The following KDM4B variants were observed in gnomAD, a reference collection of about 807,000 sequenced individuals.
KDM4B encodes lysine-specific demethylase 4B.
Under a neutral mutation model 125.2 loss-of-function variants are expected in KDM4B, and 32 were observed. The ratio of observed to expected loss-of-function variants is 0.26; its 90% CI spans 0.19 to 0.34. KDM4B has a LOEUF of 0.34. KDM4B is among the 10% of genes least tolerant of loss of function. The pLI, the probability that KDM4B is intolerant of heterozygous loss-of-function variation, is 1.00. For synonymous variants in KDM4B, 721 were observed against 677.9 expected (o/e 1.06, Z -0.99); for missense variants, 1,190 against 1,577.7 (o/e 0.75, Z 4.16).
chr19:5,059,437 A>G (rs1440752516), intron 6 of KDM4B, among the ~76,000 whole-genome samples: 2 of 152,298 alleles, frequency 1.3e-5, no homozygotes, highest in African/African-American at 4.8e-5. Flanking sequence ...CCTGATTGCG[A>G]GCCAAGCAGA....
In KDM4B at chr19:5,114,326, C is replaced by A. The variant is rs1488797957; in HGVS notation, c.1115+3508C>A. 2.1e-6 allele frequency: 2 copies of A among 954,168 alleles called. No individual in the cohort carries two copies. Among genetic ancestry groups the A allele is most frequent in the South Asian group, 1.3e-5 (1 of 74,368 alleles). The allele number at this position is 954,168 out of a possible 1,614,324, so 59.1% of individuals were successfully genotyped here. ...GGGCCCAGGCCTCGTCTCCCCTACCCCTCCGAGCTCGGTGCTGCCTGTCCC... is the reference window on the plus strand; with the variant it reads ...GGGCCCAGGCCTCGTCTCCCCTACCACTCCGAGCTCGGTGCTGCCTGTCCC... On this transcript the variant is annotated intron_variant, in intron 10 of 22. Transcript: ENST00000159111. The surrounding 1 kb of genome is among the most constrained non-coding windows in gnomAD (Gnocchi z 5.8).
chr19:5,002,613 C>T (rs1248192524), intron 1 of KDM4B, among the ~76,000 whole-genome samples: 1 of 151,960 alleles, frequency 6.6e-6, no homozygotes, highest in African/African-American at 2.4e-5. Context: ...CTTGGCCTCC[C>T]AAGCAGCTGA....
intron 15 of KDM4B, 147 bp downstream of exon 15, chr19:5,135,708 C>G: frequency 4.5e-6 from 3 of 662,922 alleles, no homozygotes; most frequent in Non-Finnish European, 7.6e-6. Flanking sequence ...AGGGGCCTCC[C>G]CCGGTGACTT....
intron 3 of KDM4B, among the ~76,000 whole-genome samples, chr19:5,039,306 T>C (rs1299592752): frequency 6.6e-6 from 1 of 152,056 alleles, no homozygotes; most frequent in Non-Finnish European, 1.5e-5. Context: ...TTTAAAAAAA[T>C]TAGCTGGGCA....
intron 1 of KDM4B, among the ~76,000 whole-genome samples, chr19:4,975,758 A>G (rs893818213): frequency 6.6e-6 from 1 of 151,108 alleles, no homozygotes; most frequent in Non-Finnish European, 1.5e-5. Flanking sequence ...ACGCTCGACT[A>G]ATTTTTGTAT....
At chr19:5,064,385 C>T (rs2037701458) in intron 6 of KDM4B, among the ~76,000 whole-genome samples, 1 of 151,830 alleles carries the variant, frequency 6.6e-6, no homozygotes, top group African/African-American at 2.4e-5. Flanking sequence ...TCTCACCCTC[C>T]AGCACGCATT....
rs774402748 is a variant in KDM4B at position 5,137,694 on chromosome 19, T to C, written c.2441+18T>C. 2 of 1,569,800 alleles carry C rather than the reference T, an allele frequency of 1.3e-6. No individual in the cohort carries two copies. The highest frequency in any genetic ancestry group is 2.3e-5 in the East Asian group (1 of 44,374). On this transcript the variant is annotated intron_variant, in intron 17 of 22. Coordinates refer to ENST00000159111, the MANE Select transcript of KDM4B (RefSeq NM_015015.3). ...GATAGGAGGTGGGTGGCACCGCGCG[T>C]TGGGGCTGGAGGGCCGGAGGGGAGC... is the stretch of plus-strand genomic sequence containing the variant.
At chr19:5,068,478 T>C (rs770524970) in intron 6 of KDM4B, among the ~76,000 whole-genome samples, 3 of 152,224 alleles carry the variant, frequency 2.0e-5, no homozygotes, top group Non-Finnish European at 4.4e-5. Context: ...TTCAGCCCTG[T>C]GTGGACGGAG....
chr19:5,047,970 G>A (rs898743685), intron 6 of KDM4B, among the ~76,000 whole-genome samples: 1 of 152,210 alleles, frequency 6.6e-6, no homozygotes, highest in African/African-American at 2.4e-5. Flanking sequence ...GCGTGGTCTT[G>A]AGCCTCCTGA....
At position 5,014,043 on chromosome 19, in the gene KDM4B, T is replaced by C. The variant is rs537260559; in HGVS notation, c.-108-2214T>C. Among the ~76,000 whole-genome samples the C allele has an allele frequency of 5.3e-5, 8 of 152,344 alleles. No homozygotes were observed. In the East Asian group the frequency reaches 5.8e-4, roughly 11 times the overall value. ...CCGGGGCGGGGCCTGTGGGAAGATA[T>C]GGAAGTCGGGTGAATGAGCCGTGCC... On this transcript the variant is annotated intron_variant, in intron 1 of 22. Coordinates refer to ENST00000159111, the MANE Select transcript of KDM4B (RefSeq NM_015015.3).
At chr19:4,969,613 C>T (rs1413178726) in intron 1 of KDM4B, among the ~76,000 whole-genome samples, 1 of 151,850 alleles carries the variant, frequency 6.6e-6, no homozygotes, top group East Asian at 1.9e-4. Flanking sequence ...CGGGACAAGC[C>T]TCGGCCTATT....
chr19:5,111,259 G>T lies in KDM4B; in HGVS notation c.1115+441G>T, dbSNP rs899021825. 1.4e-5 allele frequency: 9 copies of T among 665,522 alleles called. No homozygotes were observed. In the East Asian group the frequency reaches 1.5e-4, roughly 11 times the overall value. 41.2% of individuals were successfully genotyped at this position (665,522 alleles called of 1,614,324 possible). On this transcript the variant is annotated intron_variant, in intron 10 of 22. Coordinates refer to ENST00000159111, the MANE Select transcript of KDM4B (RefSeq NM_015015.3). The stretch of plus-strand genomic sequence containing the variant: ...CCTCCCTGGCGCTGAGAGCAGTCGG[G>T]TTCCCTGCAAGGACTCAACGGGGCA...
chr19:5,131,820 G>A, intron 12 of KDM4B, 67 bp from the exon 13 acceptor site: 1 of 1,606,740 alleles, frequency 6.2e-7, no homozygotes, highest in Non-Finnish European at 8.5e-7. Context: ...GCCCCTGTGT[G>A]GCTCCGAGGG....
intron 6 of KDM4B, among the ~76,000 whole-genome samples, chr19:5,061,553 C>T (rs1599532943): frequency 6.6e-6 from 1 of 152,248 alleles, no homozygotes; most frequent in East Asian, 1.9e-4. Context: ...GGATGAGGCT[C>T]CATGAAAGAA....
At chr19:5,034,346 G>A (rs932504355) in intron 3 of KDM4B, among the ~76,000 whole-genome samples, 5 of 152,082 alleles carry the variant, frequency 3.3e-5, no homozygotes, top group African/African-American at 4.8e-5. Flanking sequence ...AGGGGTTGGC[G>A]GGCAGTCTCT....
At chr19:5,088,463 G>A (rs1055436362) in intron 9 of KDM4B, among the ~76,000 whole-genome samples, 5 of 152,208 alleles carry the variant, frequency 3.3e-5, no homozygotes, top group East Asian at 1.9e-4. Flanking sequence ...TGAGCAGAGC[G>A]CTGGGTTCGA....
intron 4 of KDM4B, 54 bp from the exon 5 acceptor site, chr19:5,041,083 C>A: frequency 1.6e-6 from 2 of 1,229,532 alleles, no homozygotes; most frequent in Non-Finnish European, 2.4e-6. Flanking sequence ...TGAGGGTGGG[C>A]TGCGTAGCAC....
At chr19:5,086,973 A>C (rs1456665294) in intron 9 of KDM4B, among the ~76,000 whole-genome samples, 1 of 152,320 alleles carries the variant, frequency 6.6e-6, no homozygotes, top group African/African-American at 2.4e-5. Flanking sequence ...ACCTACTTAC[A>C]CAGCCTTGGA....
chr19:4,981,273 T>G (rs1013347431), intron 1 of KDM4B, among the ~76,000 whole-genome samples: 3 of 152,116 alleles, frequency 2.0e-5, no homozygotes, highest in African/African-American at 4.8e-5. Context: ...GCAGGACCCC[T>G]GAGTCCACCA....
Sources: gnomAD v4.1 joint callset for allele counts (sites outside exome capture counted in the v4.1 genomes callset) on GRCh38, gnomAD v4.1.1 for gene constraint, Gnocchi (gnomAD v3.1) non-coding constraint, MANE v1.5 for transcripts, NCBI Gene and HGNC (gene_info 2026-07-23, HGNC 2026-07-21) for gene names.